The following ENPP3 variants were observed in gnomAD, a reference collection of about 807,000 sequenced individuals.
ENPP3 encodes ectonucleotide pyrophosphatase/phosphodiesterase 3.
Under a neutral mutation model 117.8 loss-of-function variants are expected in ENPP3, and 104 were observed. The observed-to-expected ratio is 0.88, with a 90% CI of 0.75 to 1.04. The LOEUF (loss-of-function observed/expected upper bound fraction) is 1.04. Ranked by LOEUF, ENPP3 falls within the 50% of genes least tolerant of loss-of-function variation. The pLI is 0.00. For missense variants in ENPP3, 1,026 were observed against 1,051.9 expected (o/e 0.98, Z 0.34); for synonymous variants, 380 against 349.9 (o/e 1.09, Z -0.96).
At chr6:131,678,017 CT>C in intron 11 of ENPP3, 77 bp downstream of exon 11, 1 of 819,242 alleles carries the variant, frequency 1.2e-6, no homozygotes, top group Non-Finnish European at 2.0e-6. Context: ...AGATAGTATT[CT>C]TTAACTTCTA....
intron 15 of ENPP3, chr6:131,709,996 T>C: frequency 6.2e-7 from 1 of 1,603,492 alleles, no homozygotes. Flanking sequence ...TTCAGATAAC[T>C]GAATAATAAT....
At chr6:131,668,800 A>G (rs926680505) in intron 6 of ENPP3, among the ~76,000 whole-genome samples, 1 of 152,220 alleles carries the variant, frequency 6.6e-6, no homozygotes, top group African/African-American at 2.4e-5. Flanking sequence ...GCAACTGCTC[A>G]TTGGTTTATT....
intron 2 of ENPP3, among the ~76,000 whole-genome samples, chr6:131,643,786 CAA>C (rs1374949353): frequency 1.3e-5 from 2 of 151,962 alleles, no homozygotes; most frequent in African/African-American, 4.8e-5. Flanking sequence ...GTGGTGAAGA[CAA>C]GAGACAAAAT....
intron 19 of ENPP3, among the ~76,000 whole-genome samples, chr6:131,725,028 G>T (rs902750651): frequency 6.8e-6 from 1 of 147,744 alleles, no homozygotes; most frequent in African/African-American, 2.5e-5. Context: ...GGCCAACATG[G>T]TGAAACCCCG....
At chr6:131,725,436 G>A (rs1252489356) in intron 19 of ENPP3, among the ~76,000 whole-genome samples, 2 of 152,050 alleles carry the variant, frequency 1.3e-5, no homozygotes, top group African/African-American at 2.4e-5. Context: ...TATAGTGGAA[G>A]GAGTGAAGGT....
intron 11 of ENPP3, among the ~76,000 whole-genome samples, chr6:131,678,940 T>TCTTTC (rs1554263090): frequency 1.1e-5 from 1 of 93,036 alleles, no homozygotes; most frequent in African/African-American, 7.9e-5. Flanking sequence ...TTTCTTTCTT[T>TCTTTC]CTTTCTTTCT....
At chr6:131,652,710 A>G (rs370636173) in intron 4 of ENPP3, 43 bp downstream of exon 4, 2 of 1,612,868 alleles carry the variant, frequency 1.2e-6, no homozygotes, top group Non-Finnish European at 1.7e-6. Flanking sequence ...GCGAGTTTAG[A>G]GGAACTCCAT....
At chr6:131,697,182 G>T (rs1779426730) in intron 15 of ENPP3, among the ~76,000 whole-genome samples, 1 of 152,190 alleles carries the variant, frequency 6.6e-6, no homozygotes, top group South Asian at 2.1e-4. Flanking sequence ...TGCATTGCTG[G>T]AGCACTGAGT....
intron 14 of ENPP3, among the ~76,000 whole-genome samples, chr6:131,687,186 T>C (rs767735879): frequency 8.5e-5 from 13 of 152,186 alleles, no homozygotes; most frequent in Non-Finnish European, 1.8e-4. Flanking sequence ...CTATTGTTTT[T>C]TGACTTTTTA....
At chr6:131,664,806 C>A (rs532246237) in intron 6 of ENPP3, among the ~76,000 whole-genome samples, 1 of 152,130 alleles carries the variant, frequency 6.6e-6, no homozygotes, top group South Asian at 2.1e-4. Context: ...CCTAGGTGCA[C>A]AGTAGGCTTT....
chr6:131,733,083 G>A (rs949711679), intron 20 of ENPP3, among the ~76,000 whole-genome samples: 1 of 152,084 alleles, frequency 6.6e-6, no homozygotes, highest in East Asian at 1.9e-4. Flanking sequence ...AAGCATGGCT[G>A]TAAATTTATT....
chr6:131,693,631 G>A lies in ENPP3; in HGVS notation c.1412+7G>A, dbSNP rs1779340129. The A allele has an allele frequency of 1.2e-6, 2 of 1,612,122 alleles. No homozygotes were observed. The highest frequency in any genetic ancestry group is 1.7e-6 in the Non-Finnish European group (2 of 1,179,120). On this transcript the variant is annotated splice_region_variant and intron_variant, in intron 15 of 24. Coordinates refer to ENST00000357639, the MANE Select transcript of ENPP3 (RefSeq NM_005021.5). ...AACAGTGGCTGGCTGTTAGGTTCGT[G>A]TATCTGTTTACTTATCTCATAATGC...
intron 11 of ENPP3, 32 bp downstream of exon 11, chr6:131,677,972 A>G (rs746769489): frequency 1.4e-6 from 2 of 1,394,576 alleles, no homozygotes; most frequent in South Asian, 2.4e-5. Context: ...AGAAAAAAAA[A>G]AATGTAAAAT....
At position 131,654,922 on chromosome 6, in the gene ENPP3, T is replaced by C. The variant is rs986401912; in HGVS notation, c.464+2031T>C. On this transcript the variant is annotated intron_variant, in intron 5 of 24. Transcript: ENST00000357639. The stretch of plus-strand genomic sequence containing the variant: ...GAGGAGTTTGAGTCCTGATTTTGCC[T>C]GTAGGTCTTTTGCGCTAGTCACTTC... Among the ~76,000 whole-genome samples the C allele has an allele frequency of 3.3e-5, 5 of 152,302 alleles. No homozygotes were observed. In the East Asian group the frequency reaches 9.6e-4, roughly 29 times the overall value.
chr6:131,708,596 T>G, intron 15 of ENPP3: 1 of 1,549,842 alleles, frequency 6.5e-7, no homozygotes, highest in South Asian at 1.2e-5. Context: ...AGCAACAATA[T>G]TGTCAGGTGT....
At chr6:131,726,350 A>C (rs914876675) in intron 20 of ENPP3, 150 bp downstream of exon 20, 13 of 643,844 alleles carry the variant, frequency 2.0e-5, no homozygotes, top group Admixed American at 1.2e-4. Context: ...GTATTAGATA[A>C]AGGTTGTTAT....
At chr6:131,687,158 G>A (rs945225042) in intron 14 of ENPP3, among the ~76,000 whole-genome samples, 6 of 152,214 alleles carry the variant, frequency 3.9e-5, no homozygotes, top group East Asian at 1.9e-4. Flanking sequence ...TCCTTTCTCT[G>A]CAGCCTCACC....
At chr6:131,692,831 GTATATATGATATGA>G (rs933957139) in intron 14 of ENPP3, among the ~76,000 whole-genome samples, 1 of 138,790 alleles carries the variant, frequency 7.2e-6, no homozygotes, top group Non-Finnish European at 1.5e-5. Context: ...GATATGATAT[GTATATATGATATGA>G]TATATATGAT....
At chr6:131,736,020 A>G (rs1258845838) in intron 21 of ENPP3, among the ~76,000 whole-genome samples, 1 of 152,246 alleles carries the variant, frequency 6.6e-6, no homozygotes, top group African/African-American at 2.4e-5. Context: ...TTGAATAAAC[A>G]TTTACAGGTT....
Sources: allele counts gnomAD v4.1 joint callset (sites outside exome capture counted in the v4.1 genomes callset), GRCh38; gene constraint gnomAD v4.1.1; transcripts MANE v1.5; gene names NCBI Gene and HGNC (gene_info 2026-07-23, HGNC 2026-07-21).